The following MVB12B variants were observed in gnomAD, a reference collection of about 807,000 sequenced individuals.
The protein encoded by MVB12B is multivesicular body subunit 12B.
MVB12B carries 16 observed loss-of-function variants against 41.6 expected under a neutral mutation model. The observed-to-expected ratio is 0.38, with a 90% CI of 0.26 to 0.58. The LOEUF (loss-of-function observed/expected upper bound fraction) is 0.58, where lower values mean the gene tolerates loss of function less well. Among genes scored for constraint, MVB12B ranks in the 20% least tolerant of loss-of-function variants. The pLI is 0.62. For missense variants in MVB12B, 274 were observed against 380.2 expected (o/e 0.72, Z 2.32); for synonymous variants, 133 against 139.7 (o/e 0.95, Z 0.34).
At chr9:126,488,398 G>A (rs961902254) in intron 9 of MVB12B, among the ~76,000 whole-genome samples, 11 of 151,056 alleles carry the variant, frequency 7.3e-5, no homozygotes, top group Non-Finnish European at 1.5e-4. Flanking sequence ...CTGCTTTCAG[G>A]TTCAGGGGCA....
intron 7 of MVB12B, among the ~76,000 whole-genome samples, chr9:126,435,409 G>C (rs566499065): frequency 6.6e-6 from 1 of 152,144 alleles, no homozygotes. Flanking sequence ...TTCTAGTTCA[G>C]AAATGTGTAA....
chr9:126,428,769 CTGAG>C (rs1445944078), intron 7 of MVB12B, among the ~76,000 whole-genome samples: 7 of 152,244 alleles, frequency 4.6e-5, no homozygotes, highest in Non-Finnish European at 8.8e-5. Flanking sequence ...AGTGTGTGGG[CTGAG>C]TGAGTGTGTT....
chr9:126,332,978 G>A (rs1191342048), intron 1 of MVB12B, among the ~76,000 whole-genome samples: 1 of 152,262 alleles, frequency 6.6e-6, no homozygotes, highest in East Asian at 1.9e-4. Context: ...GTGCACATAC[G>A]TGTGCTAAGA....
At chr9:126,445,200 T>C (rs1267436372) in intron 7 of MVB12B, among the ~76,000 whole-genome samples, 2 of 152,356 alleles carry the variant, frequency 1.3e-5, no homozygotes, top group African/African-American at 4.8e-5. Flanking sequence ...TCTATTCAAA[T>C]GTCTTTGTAT....
chr9:126,408,851 A>G (rs79086197), intron 6 of MVB12B, among the ~76,000 whole-genome samples: 3,610 of 152,318 alleles, frequency 0.024, 126 homozygotes, highest in African/African-American at 0.08. Flanking sequence ...AAGCTGATGT[A>G]TAGTTCTAAA....
intron 2 of MVB12B, among the ~76,000 whole-genome samples, chr9:126,369,125 G>T (rs939794751): frequency 6.6e-6 from 1 of 152,110 alleles, no homozygotes; most frequent in African/African-American, 2.4e-5. Context: ...CCTTGTTAAC[G>T]TTGTTGGATT....
intron 9 of MVB12B, among the ~76,000 whole-genome samples, chr9:126,494,875 C>CCA (rs1833798996): frequency 6.6e-6 from 1 of 151,702 alleles, no homozygotes; most frequent in African/African-American, 2.4e-5. Context: ...CCCACCCCCC[C>CCA]CCAGGGTTGT....
At chr9:126,442,921 G>A (rs1832675965) in intron 7 of MVB12B, among the ~76,000 whole-genome samples, 1 of 152,202 alleles carries the variant, frequency 6.6e-6, no homozygotes, top group Non-Finnish European at 1.5e-5. Context: ...ACTGGAGGAA[G>A]CTATTTTGAG....
At chr9:126,347,303 CAG>C (rs1208984400) in intron 2 of MVB12B, among the ~76,000 whole-genome samples, 1 of 152,252 alleles carries the variant, frequency 6.6e-6, no homozygotes, top group Non-Finnish European at 1.5e-5. Context: ...CCTGTGCGGG[CAG>C]CACATGGGCC....
rs1433104506 is a variant in MVB12B, at chr9:126,392,333, C to T, written c.539+138C>T. ...GGGCCTCTGTCAGCCCAGTGCTCCT[C>T]GCTGCCCTTCCTGCTCAGCTGCGGT... On this transcript the variant is annotated intron_variant, in intron 5 of 9. Transcript: ENST00000361171. The surrounding 1 kb of genome is among the most constrained non-coding windows in gnomAD (Gnocchi z 4.8). 1.3e-5 allele frequency: 13 copies of T among 1,001,838 alleles called. No homozygotes were observed. Among genetic ancestry groups the T allele is most frequent in the Admixed American group, 2.5e-5 (1 of 40,524 alleles). The allele number at this position is 1,001,838 out of a possible 1,614,324, so 62.1% of individuals were successfully genotyped here.
At chr9:126,402,543 C>T (rs1171677902) in intron 6 of MVB12B, among the ~76,000 whole-genome samples, 1 of 152,176 alleles carries the variant, frequency 6.6e-6, no homozygotes, top group Non-Finnish European at 1.5e-5. Context: ...ACTCAGGAGG[C>T]TGAGTGAGAG....
In MVB12B at chr9:126,390,225, T is replaced by G. The variant is rs539352389; in HGVS notation, c.410-1841T>G. On this transcript the variant is annotated intron_variant, in intron 4 of 9. Coordinates refer to ENST00000361171, the MANE Select transcript of MVB12B (RefSeq NM_033446.3). ...GGTAAGATCCCACACAGCTGTTCTT[T>G]ACTGAGCACTTACTGTGTGCCAGGC... Among the ~76,000 whole-genome samples, 3 of 152,370 alleles carry G rather than the reference T, an allele frequency of 2.0e-5. No homozygotes were observed. The South Asian group carries it at 6.2e-4, about 32-fold the overall frequency.
chr9:126,419,864 T>C (rs1469232135), intron 6 of MVB12B, among the ~76,000 whole-genome samples: 2 of 152,172 alleles, frequency 1.3e-5, no homozygotes, highest in Non-Finnish European at 2.9e-5. Flanking sequence ...ATCTGTGTTG[T>C]AGCAAGTTCC....
chr9:126,493,946 C>T (rs908308985), intron 9 of MVB12B, among the ~76,000 whole-genome samples: 2 of 152,172 alleles, frequency 1.3e-5, no homozygotes, highest in Non-Finnish European at 2.9e-5. Context: ...CTGGCAAGGT[C>T]GTTCCTCTTC....
chr9:126,413,012 C>T (rs1831696320), intron 6 of MVB12B, among the ~76,000 whole-genome samples: 2 of 152,156 alleles, frequency 1.3e-5, no homozygotes, highest in African/African-American at 2.4e-5. Flanking sequence ...CATTGGGCTG[C>T]TCCCAGTTCA....
At chr9:126,380,100 T>C (rs1830592843) in intron 2 of MVB12B, among the ~76,000 whole-genome samples, 1 of 152,238 alleles carries the variant, frequency 6.6e-6, no homozygotes, top group South Asian at 2.1e-4. Flanking sequence ...TCTTCCTGGA[T>C]GTCCCCCTTC....
chr9:126,420,668 C>G (rs1405794721), intron 6 of MVB12B, among the ~76,000 whole-genome samples: 1 of 149,348 alleles, frequency 6.7e-6, no homozygotes, highest in African/African-American at 2.5e-5. Context: ...ACTGCAACCT[C>G]CGCCTCCCAG....
intron 2 of MVB12B, among the ~76,000 whole-genome samples, chr9:126,372,615 C>T (rs1248636861): frequency 3.3e-5 from 5 of 152,184 alleles, no homozygotes; most frequent in African/African-American, 1.2e-4. Context: ...GGTTAAGTGC[C>T]TTTTGTGCTT....
chr9:126,484,418 G>A (rs1250657619), intron 9 of MVB12B, among the ~76,000 whole-genome samples: 8 of 152,230 alleles, frequency 5.3e-5, no homozygotes, highest in African/African-American at 1.9e-4. Flanking sequence ...GAGGGGTTTC[G>A]GGAAATGACC....
Sources: allele counts gnomAD v4.1 joint callset (sites outside exome capture counted in the v4.1 genomes callset), GRCh38; gene constraint gnomAD v4.1.1; non-coding constraint Gnocchi (gnomAD v3.1); transcripts MANE v1.5; gene names NCBI Gene and HGNC (gene_info 2026-07-23, HGNC 2026-07-21).